Variants in IQCM observed in about 807,000 individuals in gnomAD.
IQCM encodes the protein IQ domain-containing protein M.
In IQCM, 45 loss-of-function variants were observed where a neutral mutation model predicts 57.6. That is an observed-to-expected ratio of 0.78 (90% confidence interval 0.62 to 1.00). The LOEUF (loss-of-function observed/expected upper bound fraction) is 1.00. Ranked by LOEUF, IQCM falls within the 50% of genes least tolerant of loss-of-function variation. The probability of loss-of-function intolerance (pLI) is 0.00; values close to 1 mark genes in which losing one functional copy is unlikely to be tolerated. For missense variants in IQCM, 468 were observed against 511.6 expected, an observed-to-expected ratio of 0.91 and a Z score of 0.82; for synonymous variants, 148 against 158.9, an observed-to-expected ratio of 0.93 and a Z score of 0.51.
intron 5 of IQCM, among the ~76,000 whole-genome samples, chr4:149,713,901 A>C (rs1395543932): frequency 6.6e-6 from 1 of 152,232 alleles, no homozygotes; most frequent in Non-Finnish European, 1.5e-5. Context: ...ATAAAAATAT[A>C]TTGACATTTC....
At chr4:149,594,585 G>A (rs1753571864) in intron 8 of IQCM, among the ~76,000 whole-genome samples, 1 of 152,062 alleles carries the variant, frequency 6.6e-6, no homozygotes, top group African/African-American at 2.4e-5. Flanking sequence ...TTTCCCTTGT[G>A]GGCATTTAGT....
intron 12 of IQCM, among the ~76,000 whole-genome samples, chr4:149,435,728 T>C (rs908076309): frequency 1.3e-5 from 2 of 152,076 alleles, no homozygotes; most frequent in Admixed American, 1.3e-4. Context: ...ACAGTGAATA[T>C]TGACGATCCT....
intron 5 of IQCM, among the ~76,000 whole-genome samples, chr4:149,702,300 TCACACACACA>T (rs3085128): frequency 6.9e-6 from 1 of 145,840 alleles, no homozygotes; most frequent in East Asian, 2.0e-4. Context: ...CTCCCTCACT[TCACACACACA>T]CACACACACA....
At chr4:149,387,029 G>A (rs987386581) in intron 13 of IQCM, among the ~76,000 whole-genome samples, 2 of 152,048 alleles carry the variant, frequency 1.3e-5, no homozygotes, top group South Asian at 2.1e-4. Flanking sequence ...ATATGGATTC[G>A]ATTAGTGTCT....
intron 2 of IQCM, among the ~76,000 whole-genome samples, chr4:149,765,178 T>A (rs1313052331): frequency 1.3e-5 from 2 of 152,104 alleles, no homozygotes; most frequent in Admixed American, 1.3e-4. Context: ...ATGTACTAGC[T>A]AATGCTGGGA....
intron 13 of IQCM, among the ~76,000 whole-genome samples, chr4:149,431,185 A>G (rs1437378081): frequency 6.6e-6 from 1 of 152,094 alleles, no homozygotes; most frequent in Non-Finnish European, 1.5e-5. Context: ...AGTCTGGGCT[A>G]CAAAGTGAGA....
intron 13 of IQCM, among the ~76,000 whole-genome samples, chr4:149,430,301 C>T (rs1483569872): frequency 2.0e-5 from 3 of 151,888 alleles, no homozygotes; most frequent in Non-Finnish European, 4.4e-5. Context: ...AAAATAAAAG[C>T]TTCCCTACCT....
intron 5 of IQCM, among the ~76,000 whole-genome samples, chr4:149,689,265 T>C (rs910548394): frequency 1.3e-5 from 2 of 152,114 alleles, no homozygotes; most frequent in Non-Finnish European, 2.9e-5. Flanking sequence ...TGTAGGGACA[T>C]GGATGAAGCT....
chr4:149,626,262 C>T (rs1309415733), intron 7 of IQCM, among the ~76,000 whole-genome samples: 2 of 151,866 alleles, frequency 1.3e-5, no homozygotes, highest in Non-Finnish European at 2.9e-5. Flanking sequence ...ATGCTTCCTG[C>T]CCTCGAACAT....
intron 3 of IQCM, among the ~76,000 whole-genome samples, chr4:149,735,782 T>A (rs765195954): frequency 3.3e-5 from 5 of 152,182 alleles, no homozygotes; most frequent in African/African-American, 4.8e-5. Context: ...ACTTGATGAC[T>A]AATGTATGAA....
chr4:149,588,952 C>T (rs1752883031), intron 8 of IQCM, among the ~76,000 whole-genome samples: 1 of 151,900 alleles, frequency 6.6e-6, no homozygotes, highest in South Asian at 2.1e-4. Flanking sequence ...AACAGCATCA[C>T]TTCCAACAAT....
chr4:149,382,520 A>G (rs922859801), intron 13 of IQCM, among the ~76,000 whole-genome samples: 1 of 152,122 alleles, frequency 6.6e-6, no homozygotes, highest in Non-Finnish European at 1.5e-5. Context: ...ACACCATGGC[A>G]TATTATAATT....
At chr4:149,780,212 C>A (rs1159957163) in intron 2 of IQCM, 2 of 152,000 alleles carry the variant, frequency 1.3e-5, no homozygotes, top group African/African-American at 4.8e-5. Flanking sequence ...ATTTTTAGTT[C>A]TATGGAAAAG....
chr4:149,411,792 C>T (rs1158445307), intron 13 of IQCM, among the ~76,000 whole-genome samples: 3 of 152,086 alleles, frequency 2.0e-5, no homozygotes, highest in East Asian at 3.9e-4. Flanking sequence ...TCAATCAACA[C>T]AATACTGTTT....
At chr4:149,757,414 C>T (rs1431336201) in intron 2 of IQCM, among the ~76,000 whole-genome samples, 1 of 151,366 alleles carries the variant, frequency 6.6e-6, no homozygotes, top group East Asian at 1.9e-4. Context: ...TCAAATAATA[C>T]AAAGACAATT....
rs79393084 is a variant in IQCM, at chr4:149,617,178, C to A, written c.681+3951G>T. ...CCATGTTGCTCAGGGTGGTCTTGAA[C>A]TTTCAACCTCAGGTGATCCACCTGC... On this transcript the variant is annotated intron_variant, in intron 8 of 13. Transcript: ENST00000636793. Among the ~76,000 whole-genome samples, 58 of 152,172 alleles carry A rather than the reference C, an allele frequency of 3.8e-4. No homozygotes were observed. In the East Asian group the frequency reaches 0.011, roughly 30 times the overall value.
At chr4:149,747,942 A>G (rs1022168318) in intron 2 of IQCM, among the ~76,000 whole-genome samples, 2 of 152,228 alleles carry the variant, frequency 1.3e-5, no homozygotes, top group Non-Finnish European at 2.9e-5. Flanking sequence ...CTGTGATGAG[A>G]GCAAACTTGG....
At chr4:149,520,213 G>A in intron 12 of IQCM, among the ~76,000 whole-genome samples, 1 of 148,200 alleles carries the variant, frequency 6.7e-6, no homozygotes. Flanking sequence ...ATATAAGGTG[G>A]GCACCATTTT....
At chr4:149,673,855 A>G (rs563896544) in intron 7 of IQCM, among the ~76,000 whole-genome samples, 6 of 152,020 alleles carry the variant, frequency 3.9e-5, no homozygotes, top group African/African-American at 1.4e-4. Flanking sequence ...TATTCCAAAA[A>G]AGGCTAAGTT....
Sources: allele counts gnomAD v4.1 joint callset (sites outside exome capture counted in the v4.1 genomes callset), GRCh38; gene constraint gnomAD v4.1.1; transcripts MANE v1.5; gene names NCBI Gene and HGNC (gene_info 2026-07-23, HGNC 2026-07-21).